Variants in TICRR observed in about 807,000 individuals in gnomAD.
TICRR encodes the protein TOPBP1 interacting checkpoint and replication regulator, also known as treslin.
Under a neutral mutation model 178.1 loss-of-function variants are expected in TICRR, and 132 were observed. That is an observed-to-expected ratio of 0.74 (90% confidence interval 0.64 to 0.86). The LOEUF is 0.86. Among genes scored for constraint, TICRR ranks in the 40% least tolerant of loss-of-function variants. The pLI is 0.00. For synonymous variants in TICRR, 991 were observed against 900.7 expected, an observed-to-expected ratio of 1.10 and a Z score of -1.79; for missense variants, 2,587 against 2,334.3, an observed-to-expected ratio of 1.11 and a Z score of -2.23.
chr15:89,602,277 ATATATTTTTTCATTTATG>A (rs1567045949), intron 12 of TICRR, among the ~76,000 whole-genome samples: 1 of 152,170 alleles, frequency 6.6e-6, no homozygotes, highest in Non-Finnish European at 1.5e-5. Context: ...CCTAGATAGT[ATATATTTTTTCATTTATG>A]TATATTTTTT....
At position 89,584,499 on chromosome 15, in the gene TICRR, G is replaced by A. The variant is rs780777936; in HGVS notation, c.1148G>A (p.Ser383Asn). The A allele has an allele frequency of 3.8e-5, 61 of 1,594,826 alleles. No homozygotes were observed. Among genetic ancestry groups the A allele is most frequent in the Non-Finnish European group, 5.2e-5 (61 of 1,168,928 alleles). Residue 383 changes from serine to asparagine, a missense_variant, in exon 3 of 22, where the codon AGC becomes AAC. By Grantham distance (46) the Ser-to-Asn change is conservative (BLOSUM62 1). Coordinates refer to ENST00000268138, the MANE Select transcript of TICRR (RefSeq NM_152259.4). ...TQRLLFQQLVSRLTAEELHLV... is the reference protein window; with the variant it reads ...TQRLLFQQLVNRLTAEELHLV... ...AGGCTGTTATTTCAGCAGTTGGTAAGCAGGCTGACTGCTGAAGAGTTACAC... is the reference window on the plus strand; with the variant it reads ...AGGCTGTTATTTCAGCAGTTGGTAAACAGGCTGACTGCTGAAGAGTTACAC...
intron 19 of TICRR, among the ~76,000 whole-genome samples, chr15:89,622,142 C>T (rs1037946475): frequency 5.3e-5 from 8 of 152,050 alleles, no homozygotes; most frequent in South Asian, 2.1e-4. Context: ...CCCACCACAA[C>T]GCCCAACTAA....
chr15:89,624,135 T>C lies in TICRR; in HGVS notation c.3825T>C (p.Ala1275=), dbSNP rs1197784029. The change falls in exon 20 of 22, where the codon GCT becomes GCC. Residue 1275 remains alanine (A), a synonymous_variant. Coordinates refer to ENST00000268138, the MANE Select transcript of TICRR (RefSeq NM_152259.4). ...THQQPHVLRA[A]RAEEPAQKLK... ...AACAGCCCCATGTCCTCAGAGCTGC[T>C]CGGGCAGAGGAACCAGCCCAGAAAC... is the stretch of plus-strand genomic sequence containing the variant. 6.2e-7 allele frequency: 1 copy of C among 1,613,450 alleles called. No homozygotes were observed. The highest frequency in any genetic ancestry group is 8.5e-7 in the Non-Finnish European group (1 of 1,179,936).
At chr15:89,622,431 T>A (rs1963441796) in intron 19 of TICRR, among the ~76,000 whole-genome samples, 1 of 152,182 alleles carries the variant, frequency 6.6e-6, no homozygotes, top group African/African-American at 2.4e-5. Flanking sequence ...TCTGAAACAT[T>A]CCTCTCAGTT....
At position 89,592,220 on chromosome 15, in the gene TICRR, A is replaced by G. The variant is rs1463894288; in HGVS notation, c.1541+44A>G. On this transcript the variant is annotated intron_variant, in intron 5 of 21. Transcript: ENST00000268138. ...TCTTGAATATTGATTATTAAAATCA[A>G]CGTTCAGTTATCTGCATTTTTTTCT... The G allele has an allele frequency of 5.1e-6, 8 of 1,555,832 alleles. No individual in the cohort carries two copies. In the African/African-American group the frequency reaches 6.8e-5, roughly 13 times the overall value.
chr15:89,625,808 A>G lies in TICRR; in HGVS notation c.5476+22A>G, dbSNP rs150897144. ...TCCGGTGAGTTCGTTTTTGAAACCCAGTTTCCTCATGGTTTCTTTTGGTCA... is the reference window on the plus strand; with the variant it reads ...TCCGGTGAGTTCGTTTTTGAAACCCGGTTTCCTCATGGTTTCTTTTGGTCA... On this transcript the variant is annotated intron_variant, in intron 20 of 21. Transcript: ENST00000268138. 57 of 1,581,924 alleles carry G rather than the reference A, an allele frequency of 3.6e-5. No individual in the cohort carries two copies. In the East Asian group the frequency reaches 1.2e-3, roughly 33 times the overall value.
chr15:89,584,073 CT>C (rs980091921), intron 2 of TICRR, among the ~76,000 whole-genome samples: 3 of 152,242 alleles, frequency 2.0e-5, no homozygotes, highest in Admixed American at 1.3e-4. Context: ...TTGTTTATAG[CT>C]TTTTCTATAG....
chr15:89,623,285 G>A (rs1170027338), intron 19 of TICRR, among the ~76,000 whole-genome samples: 1 of 152,250 alleles, frequency 6.6e-6, no homozygotes, highest in Non-Finnish European at 1.5e-5. Flanking sequence ...ATCAGAAATA[G>A]CTGCCTTATC....
Position 89,621,208 on chromosome 15 carries a change from A to G in TICRR, c.3155-185A>G, listed in dbSNP as rs552758554. ...CTAATTTTTTGTATTTTCAGTAGAG[A>G]TGGTGTTTCGCTATGTTGGCCAGGC... On this transcript the variant is annotated intron_variant, in intron 18 of 21. Coordinates refer to ENST00000268138, the MANE Select transcript of TICRR (RefSeq NM_152259.4). Among the ~76,000 whole-genome samples, 3 of 151,626 alleles carry G rather than the reference A, an allele frequency of 2.0e-5. No individual in the cohort carries two copies. The East Asian group carries it at 5.8e-4, about 29-fold the overall frequency.
chr15:89,612,854 C>G (rs1963275126), intron 15 of TICRR, among the ~76,000 whole-genome samples: 1 of 152,178 alleles, frequency 6.6e-6, no homozygotes, highest in Non-Finnish European at 1.5e-5. Flanking sequence ...TTGTATAGTT[C>G]TACTGACTAT....
rs757054902 is a variant in TICRR, at chr15:89,600,626, T to G, written c.2094T>G (p.Thr698=). 3.1e-6 allele frequency: 5 copies of G among 1,599,410 alleles called. No homozygotes were observed. The South Asian group carries it at 5.7e-5, about 18-fold the overall frequency. The stretch of plus-strand genomic sequence containing the variant: ...AAGTAAAAAGTAGTCTCTTAAAAAC[T>G]AGTAAAAGTCTTCGACAGAATCTAG... ...LNQVKSSLLK[T]SKSLRQNLGK... is the part of the protein sequence containing the mutation. Residue 698 remains threonine, a synonymous_variant, in exon 9 of 22, where the codon ACT becomes ACG. Transcript: ENST00000268138.
chr15:89,616,460 C>A lies in TICRR; in HGVS notation c.2925C>A (p.Ile975=). ...SVAETPVHKQ[I]SKRLLHRQIK... is the part of the protein sequence containing the mutation. ...CCGAGACTCCAGTGCATAAGCAGAT[C>A]TCCAAAAGGCTGCTGCACAGACAAA... The change falls in exon 16 of 22, where the codon ATC becomes ATA. Residue 975 remains isoleucine, a synonymous_variant. Transcript: ENST00000268138. 6.2e-7 allele frequency: 1 copy of A among 1,614,062 alleles called. No homozygotes were observed. Among genetic ancestry groups the A allele is most frequent in the Non-Finnish European group, 8.5e-7 (1 of 1,179,928 alleles).
Position 89,576,138 on chromosome 15 carries a change from C to T in TICRR, c.552C>T (p.Thr184=). The change falls in exon 1 of 22, where the codon ACC becomes ACT. Residue 184 remains threonine (T), a synonymous_variant. Transcript: ENST00000268138. ...CEAQAQRLPP[T]PKQVMEKLLP... ...CCCAGGCCCAGCGCCTGCCGCCCAC[C>T]CCTAAGCAGGTGATGGAGAAGTTGT... 1 of 1,608,616 alleles carries T rather than the reference C, an allele frequency of 6.2e-7. No individual in the cohort carries two copies. The highest frequency in any genetic ancestry group is 8.5e-7 in the Non-Finnish European group (1 of 1,179,984).
intron 17 of TICRR, among the ~76,000 whole-genome samples, chr15:89,619,218 C>CTT (rs1444853735): frequency 1.1e-5 from 1 of 91,872 alleles, no homozygotes; most frequent in African/African-American, 4.3e-5. Flanking sequence ...CTACACCATT[C>CTT]TTCTTTTTTT....
intron 1 of TICRR, among the ~76,000 whole-genome samples, chr15:89,580,568 T>A (rs189523433): frequency 9.6e-4 from 146 of 152,332 alleles, no homozygotes; most frequent in Middle Eastern, 3.4e-3. Context: ...ATTTTCCAGA[T>A]TGATATTCAT....
chr15:89,584,272 A>G lies in TICRR; in HGVS notation c.935-14A>G. Reference sequence around the variant, plus strand: ...TTAATTTGGCATCCTGGTCTAATTAATCTTTATTTCTAGCAGGCAAAGAGA... The same window carrying G: ...TTAATTTGGCATCCTGGTCTAATTAGTCTTTATTTCTAGCAGGCAAAGAGA... On this transcript the variant is annotated splice_polypyrimidine_tract_variant and intron_variant, in intron 2 of 21. Coordinates refer to ENST00000268138, the MANE Select transcript of TICRR (RefSeq NM_152259.4). 2 of 1,586,176 alleles carry G rather than the reference A, an allele frequency of 1.3e-6. No individual in the cohort carries two copies. Among genetic ancestry groups the G allele is most frequent in the Admixed American group, 1.8e-5 (1 of 54,440 alleles).
At chr15:89,599,914 T>C (rs775787145) in intron 8 of TICRR, among the ~76,000 whole-genome samples, 1 of 152,170 alleles carries the variant, frequency 6.6e-6, no homozygotes, top group Non-Finnish European at 1.5e-5. Flanking sequence ...GAGACCAGCC[T>C]GGCCAACATG....
chr15:89,584,583 A>C, intron 3 of TICRR, 56 bp downstream of exon 3: 1 of 1,480,186 alleles, frequency 6.8e-7, no homozygotes. Context: ...TGGTAAAGTG[A>C]AATAAGTGTG....
intron 6 of TICRR, among the ~76,000 whole-genome samples, chr15:89,595,115 T>A (rs1962975102): frequency 1.3e-5 from 2 of 152,248 alleles, no homozygotes; most frequent in East Asian, 1.9e-4. Context: ...AAAATAAGTC[T>A]GTTTGGCATT....
Sources: allele counts gnomAD v4.1 joint callset (sites outside exome capture counted in the v4.1 genomes callset), GRCh38; gene constraint gnomAD v4.1.1; transcripts MANE v1.5; gene names NCBI Gene and HGNC (gene_info 2026-07-23, HGNC 2026-07-21).